Variants in OCA2 observed in about 807,000 individuals in gnomAD.
OCA2 encodes the protein OCA2 melanosomal transmembrane protein.
OCA2 carries 77 observed loss-of-function variants against 100.2 expected under a neutral mutation model. That is an observed-to-expected ratio of 0.77 (90% CI 0.64 to 0.93). The LOEUF is 0.93. OCA2 is among the 40% of genes least tolerant of loss of function. OCA2 has a pLI of 0.00. For missense variants in OCA2, 1,062 were observed against 1,089.1 expected, an observed-to-expected ratio of 0.98 and a Z score of 0.35; for synonymous variants, 432 against 439.2, an observed-to-expected ratio of 0.98 and a Z score of 0.21.
intron 22 of OCA2, among the ~76,000 whole-genome samples, chr15:27,849,868 C>T (rs139534764): frequency 1.7e-4 from 26 of 152,048 alleles, no homozygotes; most frequent in Admixed American, 1.6e-3. Flanking sequence ...CTTGAGTCAA[C>T]GAGAAAGGGC....
intron 19 of OCA2, among the ~76,000 whole-genome samples, chr15:27,912,649 T>C (rs905423892): frequency 1.3e-5 from 2 of 152,176 alleles, no homozygotes; most frequent in African/African-American, 4.8e-5. Context: ...AATGTATTAA[T>C]AGAAGCAATA....
At chr15:27,768,702 A>AAG (rs2031477619) in intron 23 of OCA2, among the ~76,000 whole-genome samples, 1 of 152,196 alleles carries the variant, frequency 6.6e-6, no homozygotes, top group Admixed American at 6.5e-5. Flanking sequence ...CTTGTTTTTT[A>AAG]GGGTTGACAT....
In OCA2 at chr15:27,912,437, G is replaced by T. The variant is rs533485994; in HGVS notation, c.2079+13690C>A. ...GAAAAACTGATTGAAAATTGATGAG[G>T]ATGTGTCTAAAGACGACAGGAGCCA... On this transcript the variant is annotated intron_variant, in intron 19 of 23. Transcript: ENST00000354638. Among the ~76,000 whole-genome samples, 81 of 152,136 alleles carry T rather than the reference G, an allele frequency of 5.3e-4. 1 individual carries two copies. The highest frequency in any genetic ancestry group is 6.8e-3 in the Middle Eastern group (2 of 294).
chr15:27,774,171 C>A (rs17651026), intron 23 of OCA2, among the ~76,000 whole-genome samples: 3 of 152,168 alleles, frequency 2.0e-5, no homozygotes, highest in Admixed American at 2.0e-4. Flanking sequence ...AGACTGTCAC[C>A]AAGTCCCTCA....
At chr15:27,761,703 T>C (rs2030854355) in intron 23 of OCA2, among the ~76,000 whole-genome samples, 1 of 152,132 alleles carries the variant, frequency 6.6e-6, no homozygotes, top group Admixed American at 6.5e-5. Flanking sequence ...ACCCTCTCTA[T>C]CCAACATGAA....
At chr15:28,026,581 G>A (rs760605409) in intron 4 of OCA2, among the ~76,000 whole-genome samples, 4 of 152,172 alleles carry the variant, frequency 2.6e-5, no homozygotes, top group Admixed American at 2.6e-4. Flanking sequence ...GCGATGTGGG[G>A]GATCTAGGGT....
chr15:27,858,436 A>T (rs893514259), intron 21 of OCA2, among the ~76,000 whole-genome samples: 6 of 152,088 alleles, frequency 3.9e-5, no homozygotes, highest in African/African-American at 1.2e-4. Context: ...AAGAAACAGG[A>T]TACATCTTAC....
intron 23 of OCA2, among the ~76,000 whole-genome samples, chr15:27,836,493 T>C (rs570468764): frequency 1.7e-4 from 26 of 152,342 alleles, no homozygotes; most frequent in African/African-American, 6.3e-4. Context: ...GAAATTTACG[T>C]TCAGAAAATA....
intron 22 of OCA2, among the ~76,000 whole-genome samples, chr15:27,846,403 G>C (rs1022228003): frequency 1.3e-5 from 2 of 152,180 alleles, no homozygotes; most frequent in East Asian, 3.9e-4. Flanking sequence ...TACCAGGACA[G>C]CATCAGCCTG....
intron 2 of OCA2, among the ~76,000 whole-genome samples, chr15:28,080,608 G>A (rs982103214): frequency 1.3e-5 from 2 of 152,222 alleles, no homozygotes; most frequent in Non-Finnish European, 2.9e-5. Flanking sequence ...CCTGGAGCGG[G>A]CAGGATGACA....
Position 27,851,476 on chromosome 15 carries a change from C to A in OCA2, c.2245-1G>T, listed in dbSNP as rs1344047706. 1 of 1,612,472 alleles carries A rather than the reference C, an allele frequency of 6.2e-7. No homozygotes were observed. The highest frequency in any genetic ancestry group is 2.2e-5 in the East Asian group (1 of 44,812). On this transcript the variant is annotated splice_acceptor_variant, in intron 21 of 23. Coordinates refer to ENST00000354638, the MANE Select transcript of OCA2 (RefSeq NM_000275.3). LOFTEE classifies it high-confidence loss of function. Reference sequence around the variant, plus strand: ...GGCTCAGGTTCAGGAGCACGGGAATCTGTGGAGGAAGAGGACATTGATGCC... The same window carrying A: ...GGCTCAGGTTCAGGAGCACGGGAATATGTGGAGGAAGAGGACATTGATGCC...
intron 7 of OCA2, 26 bp downstream of exon 7, chr15:28,018,371 C>T (rs1476288911): frequency 1.9e-6 from 3 of 1,611,118 alleles, no homozygotes; most frequent in East Asian, 4.5e-5. Flanking sequence ...TTTCACAATT[C>T]CTTTCAAATA....
At chr15:27,816,967 T>C (rs1302697661) in intron 23 of OCA2, among the ~76,000 whole-genome samples, 1 of 152,150 alleles carries the variant, frequency 6.6e-6, no homozygotes, top group Non-Finnish European at 1.5e-5. Context: ...CCTTCCCCTA[T>C]GTCTCCGCTC....
the OCA2 span, among the ~76,000 whole-genome samples, chr15:27,746,646 AC>A: frequency 6.6e-6 from 1 of 151,984 alleles, no homozygotes; most frequent in Admixed American, 6.6e-5. Flanking sequence ...TTCCAGGATA[AC>A]CCCCCAGCCA....
Position 28,020,160 on chromosome 15 carries a change from C to T in OCA2, c.647-1603G>A, listed in dbSNP as rs576296784. 2.7e-5 allele frequency among the ~76,000 whole-genome samples: 4 copies of T among 146,420 alleles called. No homozygotes were observed. In the East Asian group the frequency reaches 9.0e-4, roughly 33 times the overall value. ...ACCCCCTGCCAAGAAAGGCAGGCTG[C>T]CCTGCCCCCTGCTGGGAGGGACTCA... On this transcript the variant is annotated intron_variant, in intron 6 of 23. Transcript: ENST00000354638.
intron 19 of OCA2, among the ~76,000 whole-genome samples, chr15:27,912,021 G>T (rs1268965587): frequency 1.3e-5 from 2 of 152,138 alleles, no homozygotes; most frequent in African/African-American, 4.8e-5. Context: ...AACTACTTTA[G>T]GTGTATGCTA....
At chr15:27,797,926 T>C (rs115791793) in intron 23 of OCA2, among the ~76,000 whole-genome samples, 2,266 of 152,252 alleles carry the variant, frequency 0.015, 70 homozygotes, top group African/African-American at 0.052. Flanking sequence ...GCAATGGCTC[T>C]GCTGGGAAGC....
intron 9 of OCA2, among the ~76,000 whole-genome samples, chr15:28,004,787 TCACA>T (rs368756816): frequency 6.7e-6 from 1 of 149,716 alleles, no homozygotes; most frequent in African/African-American, 2.5e-5. Context: ...TCGCTGTGAC[TCACA>T]CACAGCCTCA....
At chr15:27,990,510 C>G in intron 10 of OCA2, 66 bp downstream of exon 10, 1 of 1,507,236 alleles carries the variant, frequency 6.6e-7, no homozygotes, top group Non-Finnish European at 9.2e-7. Context: ...AGCCTGAATC[C>G]TGGAACATCT....
Sources: allele counts gnomAD v4.1 joint callset (sites outside exome capture counted in the v4.1 genomes callset), GRCh38; gene constraint gnomAD v4.1.1; transcripts MANE v1.5; gene names NCBI Gene and HGNC (gene_info 2026-07-23, HGNC 2026-07-21).